Variants in MAST2 observed in about 807,000 individuals in gnomAD.
The protein encoded by MAST2 is microtubule-associated serine/threonine-protein kinase 2.
Under a neutral mutation model 147.4 loss-of-function variants are expected in MAST2, and 70 were observed. The observed-to-expected ratio is 0.47, with a 90% CI of 0.39 to 0.58. The LOEUF (loss-of-function observed/expected upper bound fraction) is 0.58. Ranked by LOEUF, MAST2 falls within the 20% of genes least tolerant of loss-of-function variation. MAST2 has a pLI of 0.00. For missense variants in MAST2, 2,080 were observed against 2,302.3 expected, an observed-to-expected ratio of 0.90 and a Z score of 1.98; for synonymous variants, 869 against 896.8, an observed-to-expected ratio of 0.97 and a Z score of 0.55.
At chr1:45,919,921 G>C (rs532902528) in intron 4 of MAST2, among the ~76,000 whole-genome samples, 4 of 151,776 alleles carry the variant, frequency 2.6e-5, no homozygotes, top group East Asian at 1.9e-4. Context: ...ATTTTAGCTT[G>C]TTGTTTGCTA....
At chr1:46,014,768 T>TTA (rs1387074584) in intron 10 of MAST2, among the ~76,000 whole-genome samples, 1 of 151,960 alleles carries the variant, frequency 6.6e-6, no homozygotes, top group African/African-American at 2.4e-5. Context: ...CAGATCAGCG[T>TTA]GACAGAAAGT....
chr1:45,926,178 C>T (rs1654334688), intron 4 of MAST2, among the ~76,000 whole-genome samples: 1 of 152,180 alleles, frequency 6.6e-6, no homozygotes, highest in Admixed American at 6.5e-5. Context: ...TCACTTCTTT[C>T]TACCTCAGTT....
intron 26 of MAST2, 66 bp from the exon 27 acceptor site, chr1:46,033,736 A>T: frequency 6.3e-7 from 1 of 1,586,040 alleles, no homozygotes; most frequent in Non-Finnish European, 8.6e-7. Flanking sequence ...GAAGGGAAGG[A>T]TTGGGGGAGG....
At chr1:45,984,461 C>A (rs1005143425) in intron 5 of MAST2, among the ~76,000 whole-genome samples, 5 of 151,886 alleles carry the variant, frequency 3.3e-5, no homozygotes, top group African/African-American at 1.2e-4. Flanking sequence ...CACCACCACA[C>A]CCAGCTAATA....
chr1:45,829,654 T>A (rs532632882), intron 3 of MAST2, 73 bp downstream of exon 3: 15 of 1,426,488 alleles, frequency 1.1e-5, no homozygotes, highest in Middle Eastern at 1.8e-4. Flanking sequence ...CAACATCTAT[T>A]CTTTTTCCTT....
intron 4 of MAST2, among the ~76,000 whole-genome samples, chr1:45,940,217 T>A (rs1054260432): frequency 1.5e-4 from 23 of 152,018 alleles, no homozygotes; most frequent in Non-Finnish European, 2.9e-4. Context: ...GGTCTCGAAC[T>A]CCTGACTTCA....
At chr1:45,982,280 C>T (rs1190605917) in intron 5 of MAST2, among the ~76,000 whole-genome samples, 2 of 152,146 alleles carry the variant, frequency 1.3e-5, no homozygotes, top group Non-Finnish European at 2.9e-5. Flanking sequence ...CAGATGTAGG[C>T]ACAGAGCCTC....
intron 4 of MAST2, among the ~76,000 whole-genome samples, chr1:45,940,651 G>A (rs967545443): frequency 2.0e-5 from 3 of 146,436 alleles, no homozygotes; most frequent in Non-Finnish European, 4.5e-5. Flanking sequence ...ACAGAGTCTC[G>A]CTCTGTCGCC....
chr1:46,025,586 C>A, intron 15 of MAST2, 91 bp from the exon 16 acceptor site: 1 of 1,492,760 alleles, frequency 6.7e-7, no homozygotes, highest in South Asian at 1.2e-5. Flanking sequence ...GAAGCTGTCT[C>A]CTCTGGGACC....
chr1:46,009,021 G>T (rs550627208), intron 9 of MAST2, among the ~76,000 whole-genome samples: 1 of 152,184 alleles, frequency 6.6e-6, no homozygotes, highest in Non-Finnish European at 1.5e-5. Flanking sequence ...GAACCTCCTT[G>T]TATATGGAAC....
chr1:45,921,705 C>T (rs538281898), intron 4 of MAST2, among the ~76,000 whole-genome samples: 1 of 152,308 alleles, frequency 6.6e-6, no homozygotes, highest in Admixed American at 6.5e-5. Flanking sequence ...CTTTAGGAGC[C>T]ACCAGGCCCC....
chr1:46,013,620 C>T (rs977807558), intron 10 of MAST2, among the ~76,000 whole-genome samples: 2 of 150,992 alleles, frequency 1.3e-5, no homozygotes, highest in Non-Finnish European at 1.5e-5. Context: ...GTGGAGGTTG[C>T]GGTGAGCCAA....
rs111376510 is a variant in MAST2, at chr1:45,882,206, A to T, written c.469-158A>T. Among the ~76,000 whole-genome samples, 539 of 145,666 alleles carry T rather than the reference A, an allele frequency of 3.7e-3. 9 individuals are homozygous for T. Among genetic ancestry groups the T allele is most frequent in the African/African-American group, 8.9e-3 (352 of 39,562 alleles). On this transcript the variant is annotated intron_variant, in intron 3 of 28. Transcript: ENST00000361297. The stretch of plus-strand genomic sequence containing the variant: ...GACTCCGTCTCAAAAAAAAAAAAAA[A>T]TAAATAAAATTTAAGAGGCAAAGAA...
chr1:45,822,403 G>A (rs891657292), intron 1 of MAST2, among the ~76,000 whole-genome samples: 1 of 152,014 alleles, frequency 6.6e-6, no homozygotes, highest in Non-Finnish European at 1.5e-5. Context: ...AGTAAGAAGG[G>A]GTGTGATCCT....
chr1:45,904,585 C>T (rs1009860396), intron 4 of MAST2, among the ~76,000 whole-genome samples: 1 of 151,966 alleles, frequency 6.6e-6, no homozygotes, highest in East Asian at 1.9e-4. Flanking sequence ...CTACCTTAGC[C>T]CCCCCAAGTA....
chr1:46,020,031 T>A (rs949944067), intron 11 of MAST2, among the ~76,000 whole-genome samples: 1 of 152,206 alleles, frequency 6.6e-6, no homozygotes, highest in Non-Finnish European at 1.5e-5. Flanking sequence ...TCAGCAATAC[T>A]TGACTGAGTA....
chr1:46,028,784 A>G lies in MAST2; in HGVS notation c.2069A>G (p.Glu690Gly). Reference sequence around the variant, plus strand: ...TGTGCCCAGGTATGCGGGACCCCAGAATACATTGCGCCTGAGGTGATCCTG... The same window carrying G: ...TGTGCCCAGGTATGCGGGACCCCAGGATACATTGCGCCTGAGGTGATCCTG... The part of the protein sequence containing the change: ...FLDKQVCGTP[E>G]YIAPEVILRQ... The change falls in exon 18 of 29, where the codon GAA becomes GGA. Residue 690 changes from glutamate to glycine, a missense_variant. By Grantham distance (98) the Glu-to-Gly change is moderately conservative (BLOSUM62 -2). Coordinates refer to ENST00000361297, the MANE Select transcript of MAST2 (RefSeq NM_015112.3). 1 of 1,614,126 alleles carries G rather than the reference A, an allele frequency of 6.2e-7. No individual in the cohort carries two copies. The highest frequency in any genetic ancestry group is 8.5e-7 in the Non-Finnish European group (1 of 1,180,008).
chr1:45,940,213 G>A (rs1351115028), intron 4 of MAST2, among the ~76,000 whole-genome samples: 1 of 151,566 alleles, frequency 6.6e-6, no homozygotes, highest in Non-Finnish European at 1.5e-5. Context: ...GGCTGGTCTC[G>A]AACTCCTGAC....
At chr1:46,022,570 C>A (rs561691284) in intron 12 of MAST2, among the ~76,000 whole-genome samples, 5 of 141,464 alleles carry the variant, frequency 3.5e-5, no homozygotes, top group African/African-American at 1.3e-4. Flanking sequence ...TCTGTGCTTC[C>A]CAGCCCCATC....
Sources: gnomAD v4.1 joint callset for allele counts (sites outside exome capture counted in the v4.1 genomes callset) on GRCh38, gnomAD v4.1.1 for gene constraint, MANE v1.5 for transcripts, NCBI Gene and HGNC (gene_info 2026-07-23, HGNC 2026-07-21) for gene names.